Variants in MRC1 observed in about 807,000 individuals in gnomAD.
MRC1 encodes mannose receptor C-type 1.
MRC1 carries 62 observed loss-of-function variants against 102.9 expected under a neutral mutation model. That is an observed-to-expected ratio of 0.60 (90% CI 0.49 to 0.74). MRC1 has a LOEUF of 0.74. MRC1 is among the 30% of genes least tolerant of loss of function. MRC1 has a pLI of 0.00. For synonymous variants in MRC1, 457 were observed against 298.4 expected (o/e 1.53, Z -5.48); for missense variants, 1,237 against 862.8 (o/e 1.43, Z -5.43).
rs1431305875 is a variant in MRC1, at chr10:17,863,701, T to C, written c.1783+19T>C. 1.3e-6 allele frequency: 1 copy of C among 780,024 alleles called. No homozygotes were observed. The highest frequency in any genetic ancestry group is 1.7e-5 in the Admixed American group (1 of 58,910). The allele number at this position is 780,024 out of a possible 1,614,324, so 48.3% of individuals were successfully genotyped here. On this transcript the variant is annotated intron_variant, in intron 11 of 29. Coordinates refer to ENST00000569591, the MANE Select transcript of MRC1 (RefSeq NM_002438.4). ...ATGCCAGGTACGGGCAGCGCTTAGG[T>C]TGAGGGTTGCTTTCACCCTACGAAT...
chr10:17,855,103 G>A (rs1417191181), intron 8 of MRC1, among the ~76,000 whole-genome samples: 1 of 152,242 alleles, frequency 6.6e-6, no homozygotes, highest in Non-Finnish European at 1.5e-5. Flanking sequence ...TAAAGTGGAA[G>A]GTTGAGCCTC....
At chr10:17,847,166 T>C (rs906951480) in intron 6 of MRC1, among the ~76,000 whole-genome samples, 32,505 of 152,120 alleles carry the variant, frequency 0.21, 3,711 homozygotes, top group Non-Finnish European at 0.25. Context: ...TTTTTTCCTT[T>C]TTTGGAAGCC....
In MRC1 at chr10:17,907,010, C is replaced by A. The variant is rs1460678683; in HGVS notation, c.3913+11C>A. On this transcript the variant is annotated intron_variant, in intron 27 of 29. Transcript: ENST00000569591. ...TCAGAAATGTTGAAGGTAATTTTTG[C>A]AGCATGCTTATTTAATCACAAATAT... 1.3e-6 allele frequency: 1 copy of A among 780,552 alleles called. No individual in the cohort carries two copies. The highest frequency in any genetic ancestry group is 2.4e-5 in the East Asian group (1 of 41,196). 48.4% of individuals were successfully genotyped at this position (780,552 alleles called of 1,614,324 possible).
chr10:17,879,944 A>C (rs1833490909), intron 19 of MRC1, 123 bp downstream of exon 19: 4 of 756,516 alleles, frequency 5.3e-6, no homozygotes, highest in Non-Finnish European at 9.9e-6. Flanking sequence ...AATAAAGGAG[A>C]ATTCTAATTT....
rs1413832621 is a variant in MRC1, at chr10:17,855,891, G to T, written c.1408-351G>T. On this transcript the variant is annotated intron_variant, in intron 8 of 29. Coordinates refer to ENST00000569591, the MANE Select transcript of MRC1 (RefSeq NM_002438.4). ...ATAACATCAAAGTCCAAAATTGGCC[G>T]GGCGCAGTGGCTCATGCCTGTAATC... Among the ~76,000 whole-genome samples the T allele has an allele frequency of 4.6e-5, 7 of 151,978 alleles. No individual in the cohort carries two copies. The East Asian group carries it at 1.4e-3, about 29-fold the overall frequency.
chr10:17,909,799 C>T (rs1035547039), intron 29 of MRC1, among the ~76,000 whole-genome samples: 4 of 151,290 alleles, frequency 2.6e-5, no homozygotes, highest in Non-Finnish European at 2.9e-5. Flanking sequence ...TCATGAGTGC[C>T]GTTTGTTTAC....
intron 22 of MRC1, among the ~76,000 whole-genome samples, chr10:17,889,827 A>G (rs942186935): frequency 0.012 from 1,774 of 152,304 alleles, 37 homozygotes; most frequent in African/African-American, 0.04. Context: ...AACAACAACT[A>G]TAGTTGTTTG....
rs1258434986 is a variant in MRC1 at position 17,869,462 on chromosome 10, G to A, written c.1984-784G>A. Among the ~76,000 whole-genome samples, 6 of 152,118 alleles carry A rather than the reference G, an allele frequency of 3.9e-5. No homozygotes were observed. In the East Asian group the frequency reaches 9.6e-4, roughly 24 times the overall value. On this transcript the variant is annotated intron_variant, in intron 12 of 29. Transcript: ENST00000569591. ...ATTTTTTTTCCCACAAGGCTGTGATGTGGGAATGATGAGGAGTAACGCATG... is the reference window on the plus strand; with the variant it reads ...ATTTTTTTTCCCACAAGGCTGTGATATGGGAATGATGAGGAGTAACGCATG...
chr10:17,823,618 T>C, intron 2 of MRC1, 143 bp downstream of exon 2: 1 of 708,018 alleles, frequency 1.4e-6, no homozygotes, highest in Non-Finnish European at 2.6e-6. Flanking sequence ...TCAACTATTC[T>C]GTAGGACTAT....
chr10:17,863,523 T>C lies in MRC1; in HGVS notation c.1635-11T>C. 1 of 780,552 alleles carries C rather than the reference T, an allele frequency of 1.3e-6. No individual in the cohort carries two copies. Among genetic ancestry groups the C allele is most frequent in the African/African-American group, 1.7e-5 (1 of 59,254 alleles). 48.4% of individuals were successfully genotyped at this position (780,552 alleles called of 1,614,324 possible). On this transcript the variant is annotated splice_polypyrimidine_tract_variant and intron_variant, in intron 10 of 29. Coordinates refer to ENST00000569591, the MANE Select transcript of MRC1 (RefSeq NM_002438.4). ...AAAAACTTAATTGAATGTTAATTCT[T>C]CTTTTTAAAGATATGAACAAGCCTT...
At chr10:17,876,378 G>A in intron 17 of MRC1, among the ~76,000 whole-genome samples, 1 of 151,900 alleles carries the variant, frequency 6.6e-6, no homozygotes, top group Non-Finnish European at 1.5e-5. Context: ...CTTCTGAGTA[G>A]CTGGGACTAC....
Position 17,910,755 on chromosome 10 carries a change from A to C in MRC1, c.*290A>C, listed in dbSNP as rs996417639. 4.7e-6 allele frequency: 2 copies of C among 423,672 alleles called. No homozygotes were observed. Among genetic ancestry groups the C allele is most frequent in the Non-Finnish European group, 8.6e-6 (2 of 232,386 alleles). The allele number at this position is 423,672 out of a possible 1,614,324, so 26.2% of individuals were successfully genotyped here. ...GTGATGGGTAGCTGATGTCAGCTTC[A>C]TGTGGATTTTAAGCACTCTAGAAAC... On this transcript the variant is annotated 3_prime_UTR_variant, in exon 30 of 30. Coordinates refer to ENST00000569591, the MANE Select transcript of MRC1 (RefSeq NM_002438.4).
Position 17,825,629 on chromosome 10 carries a change from G to T in MRC1, c.464-1913G>T, listed in dbSNP as rs1052822571. On this transcript the variant is annotated intron_variant, in intron 2 of 29. Coordinates refer to ENST00000569591, the MANE Select transcript of MRC1 (RefSeq NM_002438.4). Reference sequence around the variant, plus strand: ...TTCACCTGTAGTCCGAGGTATTCAGGAGGCTGAGGTGGGAGCATTACTTGA... The same window carrying T: ...TTCACCTGTAGTCCGAGGTATTCAGTAGGCTGAGGTGGGAGCATTACTTGA... 8.7e-4 allele frequency among the ~76,000 whole-genome samples: 132 copies of T among 152,292 alleles called. 1 individual carries two copies. Among genetic ancestry groups the T allele is most frequent in the Middle Eastern group, 3.4e-3 (1 of 294 alleles).
intron 13 of MRC1, 119 bp from the exon 14 acceptor site, chr10:17,870,729 T>C (rs1833343264): frequency 1.3e-6 from 1 of 783,152 alleles, no homozygotes; most frequent in Non-Finnish European, 2.4e-6. Context: ...TAAATCTCTT[T>C]ACTTGTGTAC....
intron 1 of MRC1, among the ~76,000 whole-genome samples, chr10:17,812,568 T>C (rs1838240004): frequency 1.3e-4 from 2 of 15,770 alleles, no homozygotes; most frequent in African/African-American, 2.0e-3. Context: ...AACAGTAGGC[T>C]TTTTTTTTTT....
chr10:17,859,366 G>A (rs1833144662), intron 9 of MRC1, among the ~76,000 whole-genome samples: 1 of 152,090 alleles, frequency 6.6e-6, no homozygotes, highest in Admixed American at 6.6e-5. Context: ...TGCCCAGGCT[G>A]GCATGCAGTG....
rs374535433 is a variant in MRC1 at position 17,903,969 on chromosome 10, C to T, written c.3799+1847C>T. 4.0e-5 allele frequency among the ~76,000 whole-genome samples: 6 copies of T among 151,840 alleles called. No individual in the cohort carries two copies. The South Asian group carries it at 6.2e-4, about 16-fold the overall frequency. On this transcript the variant is annotated intron_variant, in intron 26 of 29. Coordinates refer to ENST00000569591, the MANE Select transcript of MRC1 (RefSeq NM_002438.4). ...AGACTTCATTTCAAAAGAAAAAAATCTGGTTCATATTAATATACATATAAA... is the reference window on the plus strand; with the variant it reads ...AGACTTCATTTCAAAAGAAAAAAATTTGGTTCATATTAATATACATATAAA...
chr10:17,904,089 T>C (rs975381221), intron 26 of MRC1, among the ~76,000 whole-genome samples: 12 of 152,242 alleles, frequency 7.9e-5, no homozygotes, highest in Admixed American at 2.6e-4. Context: ...AAAACAACTT[T>C]ATCCATTGCA....
rs944031535 is a variant in MRC1, at chr10:17,849,618, C to T, written c.1103C>T (p.Pro368Leu). ...VPTHCPSQWW[P>L]YAGHCYKIHR... is the part of the protein sequence containing the mutation. ...ACTCACTGTCCTAGTCAGTGGTGGCCGTATGCCGGTCACTGTTACAAGATT... is the reference window on the plus strand; with the variant it reads ...ACTCACTGTCCTAGTCAGTGGTGGCTGTATGCCGGTCACTGTTACAAGATT... Residue 368 changes from proline (P) to leucine (L), a missense_variant, in exon 7 of 30, where the codon CCG becomes CTG. By Grantham distance (98) the Pro-to-Leu change is moderately conservative (BLOSUM62 -3). Transcript: ENST00000569591. The T allele has an allele frequency of 3.2e-5, 25 of 780,634 alleles. No homozygotes were observed. The highest frequency in any genetic ancestry group is 1.4e-4 in the African/African-American group (8 of 59,010). 48.4% of individuals were successfully genotyped at this position (780,634 alleles called of 1,614,324 possible). A position where few individuals can be genotyped will look rare whatever the true frequency, so the allele number is the denominator to read the frequency against.
Sources: allele counts gnomAD v4.1 joint callset (sites outside exome capture counted in the v4.1 genomes callset), GRCh38; gene constraint gnomAD v4.1.1; transcripts MANE v1.5; gene names NCBI Gene and HGNC (gene_info 2026-07-23, HGNC 2026-07-21).